Variants in ARHGAP32 observed in about 807,000 individuals in gnomAD.
ARHGAP32 encodes rho GTPase-activating protein 32.
A neutral mutation model predicts 186.5 loss-of-function variants in ARHGAP32; 51 were observed. That is an observed-to-expected ratio of 0.27 (90% CI 0.22 to 0.35). ARHGAP32 has a LOEUF of 0.35. Ranked by LOEUF, ARHGAP32 falls within the 10% of genes least tolerant of loss-of-function variation. The pLI, the probability that ARHGAP32 is intolerant of heterozygous loss-of-function variation, is 1.00. For synonymous variants in ARHGAP32, 950 were observed against 964.3 expected (o/e 0.99, Z 0.27); for missense variants, 2,186 against 2,623.5 (o/e 0.83, Z 3.64).
At chr11:129,117,243 C>T (rs1770799364) in intron 5 of ARHGAP32, among the ~76,000 whole-genome samples, 1 of 151,928 alleles carries the variant, frequency 6.6e-6, no homozygotes, top group Non-Finnish European at 1.5e-5. Context: ...GGTTTAAGAA[C>T]TTGAGTAAGT....
chr11:128,968,146 T>A lies in ARHGAP32; in HGVS notation c.*761A>T, dbSNP rs1424612660. ...TTTACTTTCTTCCACCTAAAGAAGT[T>A]TCCTTAAGTACTAACTTTTAAAAGT... On this transcript the variant is annotated 3_prime_UTR_variant, in exon 23 of 23. Coordinates refer to ENST00000682385, the MANE Select transcript of ARHGAP32 (RefSeq NM_001378024.1). 1 of 152,092 alleles carries A rather than the reference T, an allele frequency of 6.6e-6. No individual in the cohort carries two copies. Among genetic ancestry groups the A allele is most frequent in the Non-Finnish European group, 1.5e-5 (1 of 68,020 alleles). The allele number at this position is 152,092 out of a possible 1,614,324, so 9.4% of individuals were successfully genotyped here. A position where few individuals can be genotyped will look rare whatever the true frequency, so the allele number is the denominator to read the frequency against.
intron 2 of ARHGAP32, among the ~76,000 whole-genome samples, chr11:129,144,071 A>G (rs942449393): frequency 6.6e-6 from 1 of 152,220 alleles, no homozygotes; most frequent in East Asian, 1.9e-4. Flanking sequence ...TTCTTAAAAA[A>G]TAAGTATGTC....
chr11:129,003,328 G>A (rs1937615998), intron 11 of ARHGAP32, among the ~76,000 whole-genome samples: 1 of 152,260 alleles, frequency 6.6e-6, no homozygotes, highest in East Asian at 1.9e-4. Context: ...ATTCATCAGT[G>A]ATATTGGCCT....
At chr11:129,133,143 G>C (rs1337207890) in intron 2 of ARHGAP32, among the ~76,000 whole-genome samples, 1 of 152,142 alleles carries the variant, frequency 6.6e-6, no homozygotes, top group Admixed American at 6.5e-5. Context: ...AGGGGGAAGA[G>C]TGAGCAGGAG....
chr11:129,269,698 C>G (rs938172938), intron 1 of ARHGAP32, among the ~76,000 whole-genome samples: 6 of 152,104 alleles, frequency 3.9e-5, no homozygotes, highest in African/African-American at 1.4e-4. Context: ...TCCTGGGTGA[C>G]AGAGTAAAAC....
chr11:129,161,641 AAAC>A (rs748973960), intron 2 of ARHGAP32, among the ~76,000 whole-genome samples: 17 of 152,302 alleles, frequency 1.1e-4, no homozygotes, highest in Non-Finnish European at 2.5e-4. Context: ...TAAAGTCAGG[AAAC>A]AACAGATGCT....
At chr11:129,089,266 C>T (rs1352939066) in intron 6 of ARHGAP32, among the ~76,000 whole-genome samples, 1 of 152,190 alleles carries the variant, frequency 6.6e-6, no homozygotes, top group African/African-American at 2.4e-5. Flanking sequence ...AAACAATAAA[C>T]CTTTGACTTC....
intron 10 of ARHGAP32, among the ~76,000 whole-genome samples, chr11:129,054,874 G>A (rs1000288110): frequency 1.3e-5 from 2 of 152,194 alleles, no homozygotes; most frequent in Admixed American, 1.3e-4. Context: ...TTTAAGAAAA[G>A]AAAGAGAGTC....
At chr11:129,232,982 ATTAC>A (rs1487134731) in intron 1 of ARHGAP32, among the ~76,000 whole-genome samples, 3 of 152,170 alleles carry the variant, frequency 2.0e-5, no homozygotes, top group Admixed American at 6.5e-5. Flanking sequence ...TGGGGTATGG[ATTAC>A]TTAAACATAT....
In ARHGAP32 at chr11:128,970,401, C is replaced by T. The variant is rs567546669; in HGVS notation, c.4812G>A (p.Pro1604=). 6.4e-5 allele frequency: 103 copies of T among 1,614,136 alleles called. 1 individual carries two copies. Among genetic ancestry groups the T allele is most frequent in the East Asian group, 2.5e-4 (11 of 44,876 alleles). Residue 1604 remains proline, a synonymous_variant, in exon 23 of 23, where the codon CCG becomes CCA. Coordinates refer to ENST00000682385, the MANE Select transcript of ARHGAP32 (RefSeq NM_001378024.1). This position sits in a 1 kb window ranked among gnomAD's most constrained non-coding sequence, Gnocchi z 5.8. ...TGGGAACAGAGCGAATCATGGAAGA[C>T]GGCGGAGCATGGAGAGACTGCACTC... The part of the protein sequence containing the change: ...IRRVQSLHAP[P]SSMIRSVPIS...
At chr11:128,976,015 T>G (rs1336663162) in intron 20 of ARHGAP32, among the ~76,000 whole-genome samples, 7 of 151,860 alleles carry the variant, frequency 4.6e-5, no homozygotes, top group African/African-American at 1.2e-4. Context: ...AGTTAGAGGT[T>G]GCAGTGATCC....
chr11:129,143,932 A>C (rs1032999741), intron 2 of ARHGAP32, among the ~76,000 whole-genome samples: 14 of 152,192 alleles, frequency 9.2e-5, no homozygotes, highest in Non-Finnish European at 1.8e-4. Flanking sequence ...TACTATCTGC[A>C]GTTTCAGGCA....
At chr11:128,985,815 AGTGTGTGT>A (rs151158915) in intron 15 of ARHGAP32, 180 bp downstream of exon 15, 2 of 186,196 alleles carry the variant, frequency 1.1e-5, no homozygotes, top group African/African-American at 5.5e-5. Flanking sequence ...ACATACATAT[AGTGTGTGT>A]GTGTGTGCGT....
chr11:129,248,475 C>T (rs1373984932), intron 1 of ARHGAP32, among the ~76,000 whole-genome samples: 2 of 152,192 alleles, frequency 1.3e-5, no homozygotes, highest in East Asian at 1.9e-4. Flanking sequence ...GCTTCACCAA[C>T]ACCTCAACAA....
intron 1 of ARHGAP32, among the ~76,000 whole-genome samples, chr11:129,251,734 G>T (rs1316832878): frequency 1.3e-5 from 2 of 150,630 alleles, no homozygotes; most frequent in Non-Finnish European, 2.9e-5. Context: ...GACCATCCAG[G>T]CCAACACGGT....
chr11:129,231,912 C>G (rs1374921979), intron 1 of ARHGAP32, among the ~76,000 whole-genome samples: 1 of 147,994 alleles, frequency 6.8e-6, no homozygotes, highest in Non-Finnish European at 1.5e-5. Flanking sequence ...GTAGTCCCAA[C>G]TTCTAAGGAG....
intron 6 of ARHGAP32, 29 bp downstream of exon 6, chr11:129,093,592 T>C: frequency 1.3e-6 from 2 of 1,496,818 alleles, no homozygotes; most frequent in Non-Finnish European, 1.8e-6. Context: ...TAACTTCATA[T>C]GAAATGGAGA....
chr11:129,222,063 T>C (rs550213867), intron 1 of ARHGAP32, among the ~76,000 whole-genome samples: 15 of 152,226 alleles, frequency 9.9e-5, no homozygotes, highest in African/African-American at 3.4e-4. Flanking sequence ...ATAGCTACTA[T>C]TGGAGTTTAC....
At chr11:129,232,301 G>A (rs1944870009) in intron 1 of ARHGAP32, among the ~76,000 whole-genome samples, 1 of 152,052 alleles carries the variant, frequency 6.6e-6, no homozygotes, top group Non-Finnish European at 1.5e-5. Flanking sequence ...TACAACAGAG[G>A]GCTGTCTCCA....
Sources: gnomAD v4.1 joint callset for allele counts (sites outside exome capture counted in the v4.1 genomes callset) on GRCh38, gnomAD v4.1.1 for gene constraint, Gnocchi (gnomAD v3.1) non-coding constraint, MANE v1.5 for transcripts, NCBI Gene and HGNC (gene_info 2026-07-23, HGNC 2026-07-21) for gene names.